The following ZSWIM4 variants were observed in gnomAD, a reference collection of about 807,000 sequenced individuals.
The protein encoded by ZSWIM4 is zinc finger SWIM-type containing 4.
Under a neutral mutation model 102.5 loss-of-function variants are expected in ZSWIM4, and 62 were observed. That is an observed-to-expected ratio of 0.60 (90% confidence interval 0.49 to 0.75). The LOEUF is 0.75. Ranked by LOEUF, ZSWIM4 falls within the 30% of genes least tolerant of loss-of-function variation. The pLI, the probability that ZSWIM4 is intolerant of heterozygous loss-of-function variation, is 0.00. For synonymous variants in ZSWIM4, 652 were observed against 674.5 expected (o/e 0.97, Z 0.52); for missense variants, 1,280 against 1,529.6 (o/e 0.84, Z 2.72).
intron 5 of ZSWIM4, among the ~76,000 whole-genome samples, chr19:13,810,665 A>C (rs1433884817): frequency 6.6e-6 from 1 of 151,258 alleles, no homozygotes; most frequent in Non-Finnish European, 1.5e-5. Flanking sequence ...GCTGGAGTGC[A>C]GTGGCACAAT....
At chr19:13,812,491 C>A (rs1266664266) in intron 5 of ZSWIM4, among the ~76,000 whole-genome samples, 2 of 133,682 alleles carry the variant, frequency 1.5e-5, no homozygotes, top group African/African-American at 5.8e-5. Context: ...TGGAGTTTTG[C>A]TCTTTTTACC....
At position 13,825,771 on chromosome 19, in the gene ZSWIM4, G is replaced by A. The variant is rs1975592828; in HGVS notation, c.2379+58G>A. On this transcript the variant is annotated intron_variant, in intron 12 of 13. Coordinates refer to ENST00000590508, the MANE Select transcript of ZSWIM4 (RefSeq NM_001367834.3). This position sits in a 1 kb window ranked among gnomAD's most constrained non-coding sequence, Gnocchi z 4.6. Reference sequence around the variant, plus strand: ...TGGTGGCTCGGGGCCAGGACTGACTGTGAGCTGCGCCTCCCGGGGCATGGG... The same window carrying A: ...TGGTGGCTCGGGGCCAGGACTGACTATGAGCTGCGCCTCCCGGGGCATGGG... 2.6e-6 allele frequency: 4 copies of A among 1,548,712 alleles called. No individual in the cohort carries two copies. The highest frequency in any genetic ancestry group is 2.3e-5 in the East Asian group (1 of 43,708).
At chr19:13,818,351 C>T (rs1406530818) in intron 9 of ZSWIM4, among the ~76,000 whole-genome samples, 1 of 152,186 alleles carries the variant, frequency 6.6e-6, no homozygotes, top group African/African-American at 2.4e-5. Context: ...CCCTATTGAC[C>T]TGTGTGTTGT....
At chr19:13,813,479 G>T (rs989790267) in intron 6 of ZSWIM4, among the ~76,000 whole-genome samples, 2 of 151,822 alleles carry the variant, frequency 1.3e-5, no homozygotes, top group African/African-American at 4.8e-5. Context: ...GAAAAAAGGA[G>T]GAATCAAACA....
chr19:13,796,869 G>C (rs1039149613), intron 1 of ZSWIM4: 5 of 152,384 alleles, frequency 3.3e-5, no homozygotes, highest in Admixed American at 6.6e-5. Context: ...CGGCCTCTCT[G>C]GAGTTAGGAA....
At position 13,812,623 on chromosome 19, in the gene ZSWIM4, C is replaced by CTTTTTTT. The variant is rs545020943; in HGVS notation, c.1013-363_1013-357dup. Among the ~76,000 whole-genome samples, 681 of 130,262 alleles carry CTTTTTTT rather than the reference C, an allele frequency of 5.2e-3. 8 individuals are homozygous for CTTTTTTT. Among genetic ancestry groups the CTTTTTTT allele is most frequent in the African/African-American group, 0.018 (638 of 34,710 alleles). The allele number at this position is 130,262 out of a possible 152,430, so 85.5% of individuals were successfully genotyped here. ...TACAGGCACCCACAATCATGCCTGG[C>CTTTTTTT]TTTTTTTTTTTTTTTTTGGTATTTT... On this transcript the variant is annotated intron_variant, in intron 5 of 13. Transcript: ENST00000590508.
At position 13,831,771 on chromosome 19, in the gene ZSWIM4, G is replaced by C. The variant is rs60981777; in HGVS notation, c.*721G>C. ...CAACCTGGGGTTGGGGGACACAGAC[G>C]CGAGAGAGCCGGAGACCCCCACCCC... On this transcript the variant is annotated 3_prime_UTR_variant, in exon 14 of 14. Coordinates refer to ENST00000590508, the MANE Select transcript of ZSWIM4 (RefSeq NM_001367834.3). 6.6e-6 allele frequency: 1 copy of C among 152,480 alleles called. No homozygotes were observed. The highest frequency in any genetic ancestry group is 1.5e-5 in the Non-Finnish European group (1 of 68,040). The allele number at this position is 152,480 out of a possible 1,614,324, so 9.4% of individuals were successfully genotyped here.
At chr19:13,807,570 A>AGATGGATG (rs56365536) in intron 3 of ZSWIM4, among the ~76,000 whole-genome samples, 33,264 of 140,962 alleles carry the variant, frequency 0.24, 4,457 homozygotes, top group Non-Finnish European at 0.28. Context: ...GTTTTGGGCA[A>AGATGGATG]GATGGATGGA....
At chr19:13,823,644 T>G in intron 11 of ZSWIM4, 144 bp downstream of exon 11, 1 of 968,926 alleles carries the variant, frequency 1.0e-6, no homozygotes, top group Non-Finnish European at 1.5e-6. Flanking sequence ...TACCGGACAC[T>G]GTCTCAGGTG....
At chr19:13,799,613 C>T (rs1014706209) in intron 1 of ZSWIM4, 107 bp from the exon 2 acceptor site, 33 of 1,088,956 alleles carry the variant, frequency 3.0e-5, no homozygotes, top group Non-Finnish European at 4.1e-5. Flanking sequence ...CTATGTTGCC[C>T]AGGCTGGTCT....
intron 9 of ZSWIM4, 112 bp downstream of exon 9, chr19:13,818,088 GC>G: frequency 7.2e-7 from 1 of 1,384,508 alleles, no homozygotes; most frequent in Non-Finnish European, 9.3e-7. Flanking sequence ...CCCGCCCCTA[GC>G]CCCGCCTCCT....
At position 13,809,920 on chromosome 19, in the gene ZSWIM4, G is replaced by A. The variant is rs1424318903; in HGVS notation, c.1012+700G>A. ...GATCCTCTGGCCTTGGCCTCTCAAA[G>A]TGCTGGGATGACAGGCATGAGCCAC... On this transcript the variant is annotated intron_variant, in intron 5 of 13. Coordinates refer to ENST00000590508, the MANE Select transcript of ZSWIM4 (RefSeq NM_001367834.3). This position sits in a 1 kb window ranked among gnomAD's most constrained non-coding sequence, Gnocchi z 4.2. Among the ~76,000 whole-genome samples the A allele has an allele frequency of 6.6e-6, 1 of 152,078 alleles. No homozygotes were observed. The highest frequency in any genetic ancestry group is 2.4e-5 in the African/African-American group (1 of 41,426).
In ZSWIM4 at chr19:13,817,789, C is replaced by T. The variant is rs1599605060; in HGVS notation, c.1737C>T (p.Ser579=). 6.3e-7 allele frequency: 1 copy of T among 1,596,278 alleles called. No individual in the cohort carries two copies. The highest frequency in any genetic ancestry group is 8.5e-7 in the Non-Finnish European group (1 of 1,172,878). ...CTGTGCCCGGGAGCCCTGGGGAGTC[C>T]TACTTGGTGCTGGCGCTGGAGGTGG... ...HVPVPGSPGE[S]YLVLALEVAL... The change falls in exon 9 of 14, where the codon TCC becomes TCT. Residue 579 remains serine (S), a synonymous_variant. Transcript: ENST00000590508.
chr19:13,823,585 T>C, intron 11 of ZSWIM4, 85 bp downstream of exon 11: 2 of 1,468,660 alleles, frequency 1.4e-6, no homozygotes, highest in Non-Finnish European at 1.8e-6. Context: ...CTGCCTCCTC[T>C]TATCCTTTCA....
Position 13,801,798 on chromosome 19 carries a change from A to C in ZSWIM4, c.355+1877A>C, listed in dbSNP as rs192187944. Among the ~76,000 whole-genome samples, 371 of 149,970 alleles carry C rather than the reference A, an allele frequency of 2.5e-3. 1 individual carries two copies. The highest frequency in any genetic ancestry group is 5.7e-3 in the Admixed American group (85 of 14,894). On this transcript the variant is annotated intron_variant, in intron 2 of 13. Transcript: ENST00000590508. ...GGAATACCCCTGCCTCGGCCTCCCT[A>C]GTAGCTGGGACTACAGGCACCCGCT...
At chr19:13,801,671 C>CT (rs755133549) in intron 2 of ZSWIM4, among the ~76,000 whole-genome samples, 160 of 125,434 alleles carry the variant, frequency 1.3e-3, no homozygotes, top group East Asian at 2.4e-3. Flanking sequence ...GTTTAGAATT[C>CT]TTTTTTTTTT....
chr19:13,813,807 G>T (rs1975179491), intron 6 of ZSWIM4, among the ~76,000 whole-genome samples: 1 of 151,326 alleles, frequency 6.6e-6, no homozygotes, highest in South Asian at 2.1e-4. Context: ...TGGAATCCCG[G>T]ATACTCAGGG....
Position 13,830,323 on chromosome 19 carries a change from GGGA to G in ZSWIM4, c.2599_2601del (p.Glu867del). 6.2e-7 allele frequency: 1 copy of G among 1,613,592 alleles called. No homozygotes were observed. Among genetic ancestry groups the G allele is most frequent in the Non-Finnish European group, 8.5e-7 (1 of 1,180,016 alleles). ...CGACTGCAGCTGGACACATCGCGGA[GGGA>G]GGAGCTCTGGGCCTGCGCCCGCACC... is the stretch of plus-strand genomic sequence containing the variant. On this transcript the variant is annotated inframe_deletion, in exon 14 of 14. Coordinates refer to ENST00000590508, the MANE Select transcript of ZSWIM4 (RefSeq NM_001367834.3).
At chr19:13,811,465 G>A (rs1975089459) in intron 5 of ZSWIM4, among the ~76,000 whole-genome samples, 1 of 151,670 alleles carries the variant, frequency 6.6e-6, no homozygotes, top group South Asian at 2.1e-4. Flanking sequence ...CGGAGGTTGA[G>A]GCTGCAGTGA....
Sources: allele counts gnomAD v4.1 joint callset (sites outside exome capture counted in the v4.1 genomes callset), GRCh38; gene constraint gnomAD v4.1.1; non-coding constraint Gnocchi (gnomAD v3.1); transcripts MANE v1.5; gene names NCBI Gene and HGNC (gene_info 2026-07-23, HGNC 2026-07-21).